The following VAV3 variants were observed in gnomAD, a reference collection of about 807,000 sequenced individuals.
VAV3 encodes guanine nucleotide exchange factor VAV3.
In VAV3, 94 loss-of-function variants were observed where a neutral mutation model predicts 131.2. The observed-to-expected ratio is 0.72, with a 90% CI of 0.61 to 0.85. VAV3 has a LOEUF of 0.85. Among genes scored for constraint, VAV3 ranks in the 40% least tolerant of loss-of-function variants. The probability of loss-of-function intolerance (pLI) is 0.00; values close to 1 mark genes in which losing one functional copy is unlikely to be tolerated. For missense variants in VAV3, 939 were observed against 1,002.7 expected (o/e 0.94, Z 0.86); for synonymous variants, 349 against 342.0 (o/e 1.02, Z -0.22).
At chr1:107,917,399 T>C (rs539693224) in intron 1 of VAV3, among the ~76,000 whole-genome samples, 24 of 152,246 alleles carry the variant, frequency 1.6e-4, no homozygotes, top group Middle Eastern at 3.4e-3. Flanking sequence ...ATTTTATAGA[T>C]AAGGGAACTA....
chr1:107,657,545 C>T (rs1235026973), intron 19 of VAV3, among the ~76,000 whole-genome samples: 2 of 151,976 alleles, frequency 1.3e-5, no homozygotes, highest in South Asian at 2.1e-4. Context: ...CGTTTTGTCC[C>T]GAGAGTTGCC....
chr1:107,676,140 T>C (rs1384764674), intron 19 of VAV3, among the ~76,000 whole-genome samples: 1 of 152,198 alleles, frequency 6.6e-6, no homozygotes, highest in Admixed American at 6.5e-5. Context: ...CTCTCTTTCC[T>C]CTCTCTTATT....
chr1:107,915,701 G>T (rs1230244168), intron 1 of VAV3, among the ~76,000 whole-genome samples: 1 of 152,162 alleles, frequency 6.6e-6, no homozygotes, highest in Non-Finnish European at 1.5e-5. Flanking sequence ...TTATTCTCCA[G>T]TGCAAACCCA....
chr1:107,572,761 T>C lies in VAV3; in HGVS notation c.*570A>G, dbSNP rs1287991296. 1 of 152,736 alleles carries C rather than the reference T, an allele frequency of 6.5e-6. No individual in the cohort carries two copies. Among genetic ancestry groups the C allele is most frequent in the Admixed American group, 6.5e-5 (1 of 15,282 alleles). The allele number at this position is 152,736 out of a possible 1,614,324, so 9.5% of individuals were successfully genotyped here. On this transcript the variant is annotated 3_prime_UTR_variant, in exon 27 of 27. Transcript: ENST00000370056. ...AGCACTGGCCTCATATTTTATAATA[T>C]CATGAGTAACATCTGAGGGTAAAAG...
At chr1:107,582,709 A>G (rs1356908220) in intron 25 of VAV3, among the ~76,000 whole-genome samples, 1 of 151,816 alleles carries the variant, frequency 6.6e-6, no homozygotes, top group African/African-American at 2.4e-5. Context: ...GATGATTTCC[A>G]ATTTCATCCA....
At chr1:107,648,417 T>A (rs181213732) in intron 19 of VAV3, among the ~76,000 whole-genome samples, 1 of 152,190 alleles carries the variant, frequency 6.6e-6, no homozygotes, top group Non-Finnish European at 1.5e-5. Flanking sequence ...TTTCATGTGT[T>A]ACTTGAAAAT....
intron 2 of VAV3, among the ~76,000 whole-genome samples, chr1:107,846,814 A>G (rs139868383): frequency 0.011 from 1,636 of 152,284 alleles, 32 homozygotes; most frequent in African/African-American, 0.038. Context: ...CTCCCACACA[A>G]TAATAGTGGG....
At chr1:107,760,111 G>T (rs1409999310) in intron 10 of VAV3, among the ~76,000 whole-genome samples, 1 of 152,142 alleles carries the variant, frequency 6.6e-6, no homozygotes, top group Admixed American at 6.5e-5. Flanking sequence ...ACGCAAAATT[G>T]TATTTCACAT....
At chr1:107,788,299 G>C (rs769682903) in intron 2 of VAV3, among the ~76,000 whole-genome samples, 1 of 151,884 alleles carries the variant, frequency 6.6e-6, no homozygotes, top group Non-Finnish European at 1.5e-5. Context: ...CAGTTACTTA[G>C]CAGTACACTC....
chr1:107,726,468 T>G (rs926702532), intron 15 of VAV3, among the ~76,000 whole-genome samples: 4 of 152,220 alleles, frequency 2.6e-5, no homozygotes, highest in African/African-American at 9.6e-5. Flanking sequence ...CAGAACCATC[T>G]TTGAGAAAGT....
At chr1:107,885,157 T>C (rs1317978133) in intron 1 of VAV3, among the ~76,000 whole-genome samples, 1 of 152,174 alleles carries the variant, frequency 6.6e-6, no homozygotes, top group East Asian at 1.9e-4. Context: ...AGAATCGCCA[T>C]GCTTGCCTTG....
At chr1:107,839,413 G>C (rs1668600923) in intron 2 of VAV3, among the ~76,000 whole-genome samples, 1 of 151,966 alleles carries the variant, frequency 6.6e-6, no homozygotes, top group East Asian at 1.9e-4. Flanking sequence ...GTTAATTAAA[G>C]AACACACTCA....
chr1:107,704,566 G>T lies in VAV3; in HGVS notation c.1689C>A (p.Gly563=). The change falls in exon 17 of 27, where the codon GGC becomes GGA. Residue 563 remains glycine (G), a synonymous_variant. Transcript: ENST00000370056. The part of the protein sequence containing the change: ...KECLGRVDNC[G]RVNSGEQGTL... ...ATGACTTACCACCAGAATTAACTCTGCCACAATTGTCTACTCTTCCCAAAC... is the reference window on the plus strand; with the variant it reads ...ATGACTTACCACCAGAATTAACTCTTCCACAATTGTCTACTCTTCCCAAAC... The T allele has an allele frequency of 6.2e-7, 1 of 1,613,286 alleles. No homozygotes were observed. Among genetic ancestry groups the T allele is most frequent in the Non-Finnish European group, 8.5e-7 (1 of 1,179,372 alleles).
intron 1 of VAV3, among the ~76,000 whole-genome samples, chr1:107,901,996 T>C (rs973082292): frequency 6.6e-6 from 1 of 151,866 alleles, no homozygotes; most frequent in Non-Finnish European, 1.5e-5. Context: ...TTAGCCAAGA[T>C]TGTGCCACTG....
At chr1:107,721,802 A>G (rs1443843882) in intron 15 of VAV3, among the ~76,000 whole-genome samples, 1 of 152,204 alleles carries the variant, frequency 6.6e-6, no homozygotes, top group Non-Finnish European at 1.5e-5. Context: ...CCTAGCTTTC[A>G]GCTTCCTCCA....
intron 1 of VAV3, among the ~76,000 whole-genome samples, chr1:107,903,118 G>A (rs1030140568): frequency 8.5e-5 from 13 of 152,236 alleles, no homozygotes; most frequent in Admixed American, 8.5e-4. Flanking sequence ...TCGAAGTTAA[G>A]ACATGGGAAT....
At chr1:107,962,252 G>A (rs1183440372) in intron 1 of VAV3, among the ~76,000 whole-genome samples, 1 of 152,176 alleles carries the variant, frequency 6.6e-6, no homozygotes, top group Non-Finnish European at 1.5e-5. Flanking sequence ...ATTCTGCTGG[G>A]ACATGACAGG....
At chr1:107,596,553 T>C (rs1651406733) in intron 24 of VAV3, among the ~76,000 whole-genome samples, 1 of 151,970 alleles carries the variant, frequency 6.6e-6, no homozygotes, top group South Asian at 2.1e-4. Context: ...AGGCCATTAA[T>C]AATATGAGTT....
chr1:107,873,655 T>C (rs1161627050), intron 2 of VAV3, among the ~76,000 whole-genome samples: 2 of 152,144 alleles, frequency 1.3e-5, no homozygotes, highest in Admixed American at 1.3e-4. Flanking sequence ...TTGTACAAAT[T>C]ATCATCTTTT....
Sources: gnomAD v4.1 joint callset for allele counts (sites outside exome capture counted in the v4.1 genomes callset) on GRCh38, gnomAD v4.1.1 for gene constraint, MANE v1.5 for transcripts, NCBI Gene and HGNC (gene_info 2026-07-23, HGNC 2026-07-21) for gene names.